The following RTL8B variants were observed in gnomAD, a reference collection of about 807,000 sequenced individuals.
The protein encoded by RTL8B is retrotransposon Gag-like protein 8B.
Under a neutral mutation model 4.4 loss-of-function variants are expected in RTL8B, and 5 were observed. That is an observed-to-expected ratio of 1.13 (90% CI 0.59 to 2.37). The LOEUF is 2.37. Among genes scored for constraint, RTL8B ranks in the 30% most tolerant of loss-of-function variants. The probability of loss-of-function intolerance (pLI) is 0.01; values close to 1 mark genes in which losing one functional copy is unlikely to be tolerated. For synonymous variants in RTL8B, 31 were observed against 44.2 expected (o/e 0.70, Z 1.19); for missense variants, 82 against 99.2 (o/e 0.83, Z 0.74).
chrX:135,022,496 C>A lies in RTL8B; in HGVS notation c.-37G>T, dbSNP rs2083271621. The A allele has an allele frequency of 1.7e-6, 2 of 1,190,059 alleles. No individual in the cohort carries two copies. Among genetic ancestry groups the A allele is most frequent in the African/African-American group, 1.8e-5 (1 of 57,107 alleles). Reference sequence around the variant, plus strand: ...GGCTCCGCTGAGTTTAGCTGAGCTGCGCTGGGCTTCGCCGGGGGCTGCACC... The same window carrying A: ...GGCTCCGCTGAGTTTAGCTGAGCTGAGCTGGGCTTCGCCGGGGGCTGCACC... On this transcript the variant is annotated 5_prime_UTR_variant, in exon 1 of 1. Transcript: ENST00000391440.
chrX:135,021,886 G>T lies in RTL8B; in HGVS notation c.*232C>A, dbSNP rs772385107. ...AGGGGCTGAGCTGGCACGAGAGGGCGGAGGCAGCCCGCTCCAGAGTGAGGC... is the reference window on the plus strand; with the variant it reads ...AGGGGCTGAGCTGGCACGAGAGGGCTGAGGCAGCCCGCTCCAGAGTGAGGC... On this transcript the variant is annotated 3_prime_UTR_variant, in exon 1 of 1. Coordinates refer to ENST00000391440, the MANE Select transcript of RTL8B (RefSeq NM_001078173.2). The T allele has an allele frequency of 6.8e-4, 784 of 1,152,777 alleles. No individual in the cohort carries two copies. Among genetic ancestry groups the T allele is most frequent in the Non-Finnish European group, 8.4e-4 (726 of 866,682 alleles).
chrX:135,021,845 T>G lies in RTL8B; in HGVS notation c.*273A>C. The G allele has an allele frequency of 8.8e-7, 1 of 1,141,456 alleles. No individual in the cohort carries two copies. The highest frequency in any genetic ancestry group is 1.9e-5 in the South Asian group (1 of 51,847). 94.1% of individuals were successfully genotyped at this position (1,141,456 alleles called of 1,213,427 possible). On this transcript the variant is annotated 3_prime_UTR_variant, in exon 1 of 1. Coordinates refer to ENST00000391440, the MANE Select transcript of RTL8B (RefSeq NM_001078173.2). ...TGTGCAACTGGAGCGCAGGACAGCG[T>G]CCAAATGTGCATGGGAGGGGCTGAG...
Position 135,021,437 on chromosome X carries a change from C to T in RTL8B, c.*681G>A. On this transcript the variant is annotated 3_prime_UTR_variant, in exon 1 of 1. Transcript: ENST00000391440. ...ATTCAGAAGAGAAATGGATTCTGGG[C>T]AAAACTAACTGGTCCACAAGAGAAA... 7.2e-6 allele frequency: 2 copies of T among 278,449 alleles called. No individual in the cohort carries two copies. The highest frequency in any genetic ancestry group is 1.4e-5 in the Non-Finnish European group (2 of 143,003). 22.9% of individuals were successfully genotyped at this position (278,449 alleles called of 1,213,427 possible). A position where few individuals can be genotyped will look rare whatever the true frequency, so the allele number is the denominator to read the frequency against.
rs1242129771 is a variant in RTL8B, at chrX:135,021,720, T to A, written c.*398A>T. The A allele has an allele frequency of 3.0e-6, 3 of 1,015,366 alleles. No homozygotes were observed. In the South Asian group the frequency reaches 5.9e-5, roughly 20 times the overall value. 83.7% of individuals were successfully genotyped at this position (1,015,366 alleles called of 1,213,427 possible). ...CGATGGCAGTGGCAGCGCAGGTCTG[T>A]GGGCAGCATGATGTAGTCGTCTGGA... On this transcript the variant is annotated 3_prime_UTR_variant, in exon 1 of 1. Transcript: ENST00000391440.
rs2083265780 is a variant in RTL8B, at chrX:135,021,294, A to G, written c.*824T>C. On this transcript the variant is annotated 3_prime_UTR_variant, in exon 1 of 1. Coordinates refer to ENST00000391440, the MANE Select transcript of RTL8B (RefSeq NM_001078173.2). ...TCATTCAGACTCTATTTCTTTCTCA[A>G]TAGTGTCTGACATTTATTGAAAATA... The G allele has an allele frequency of 4.0e-6, 1 of 247,031 alleles. No homozygotes were observed. Among genetic ancestry groups the G allele is most frequent in the Non-Finnish European group, 7.6e-6 (1 of 131,567 alleles). 20.4% of individuals were successfully genotyped at this position (247,031 alleles called of 1,213,427 possible).
In RTL8B at chrX:135,022,071, C is replaced by T; in HGVS notation, c.*47G>A. 8.3e-7 allele frequency: 1 copy of T among 1,210,688 alleles called. No homozygotes were observed. Among genetic ancestry groups the T allele is most frequent in the African/African-American group, 1.7e-5 (1 of 57,818 alleles). ...ACCCTGGCGGCGGCCAGTAACACAG[C>T]GGACCCTTCCCAGAGCACCGGTCCC... On this transcript the variant is annotated 3_prime_UTR_variant, in exon 1 of 1. Transcript: ENST00000391440.
rs755318319 is a variant in RTL8B at position 135,021,878 on chromosome X, G to C, written c.*240C>G. On this transcript the variant is annotated 3_prime_UTR_variant, in exon 1 of 1. Coordinates refer to ENST00000391440, the MANE Select transcript of RTL8B (RefSeq NM_001078173.2). ...TGCATGGGAGGGGCTGAGCTGGCAC[G>C]AGAGGGCGGAGGCAGCCCGCTCCAG... 5 of 1,153,547 alleles carry C rather than the reference G, an allele frequency of 4.3e-6. No homozygotes were observed. Among genetic ancestry groups the C allele is most frequent in the Non-Finnish European group, 3.5e-6 (3 of 866,341 alleles).
rs747178238 is a variant in RTL8B at position 135,022,023 on chromosome X, G to A, written c.*95C>T. The A allele has an allele frequency of 3.2e-5, 38 of 1,181,293 alleles. No homozygotes were observed. The highest frequency in any genetic ancestry group is 4.2e-5 in the Non-Finnish European group (37 of 881,059). ...GTGGCGGCTCGAGGGGGAGGGAGGC[G>A]CGGAGGGAGGGCGCCGGTGGCGACC... On this transcript the variant is annotated 3_prime_UTR_variant, in exon 1 of 1. Transcript: ENST00000391440.
At position 135,022,516 on chromosome X, in the gene RTL8B, T is replaced by C. The variant is rs1221550407; in HGVS notation, c.-57A>G. The C allele has an allele frequency of 8.5e-7, 1 of 1,170,743 alleles. No individual in the cohort carries two copies. The highest frequency in any genetic ancestry group is 1.1e-6 in the Non-Finnish European group (1 of 875,857). On this transcript the variant is annotated 5_prime_UTR_variant, in exon 1 of 1. Transcript: ENST00000391440. ...AGCTGCGCTGGGCTTCGCCGGGGGC[T>C]GCACCGAGGCGTAGCGGGAAGTGCA...
At position 135,021,939 on chromosome X, in the gene RTL8B, G is replaced by T. The variant is rs761496733; in HGVS notation, c.*179C>A. ...AGGGGCGGCAGCAGGAGCCTGGAGC[G>T]CTATTCCTGGAACAAAGGCAAGCAC... On this transcript the variant is annotated 3_prime_UTR_variant, in exon 1 of 1. Transcript: ENST00000391440. 6.1e-6 allele frequency: 7 copies of T among 1,152,569 alleles called. No homozygotes were observed. The African/African-American group carries it at 1.1e-4, about 18-fold the overall frequency. The allele number at this position is 1,152,569 out of a possible 1,213,427, so 95.0% of individuals were successfully genotyped here.
chrX:135,022,194 G>C lies in RTL8B; in HGVS notation c.266C>G (p.Pro89Arg). 1 of 1,211,946 alleles carries C rather than the reference G, an allele frequency of 8.3e-7. No homozygotes were observed. The highest frequency in any genetic ancestry group is 3.0e-5 in the East Asian group (1 of 33,831). ...GAAGCCCCGGTAATCACTGAGGAGG[G>C]GGCTCTCCTTCTTGATGTAGGGGAT... ...WVIPYIKKES[P>R]LLSDYRGFLA... is the part of the protein sequence containing the mutation. Residue 89 changes from proline (P) to arginine (R), a missense_variant, in exon 1 of 1, where the codon CCC (proline) becomes CGC (arginine). Pro to Arg is a moderately radical substitution (Grantham distance 103). Coordinates refer to ENST00000391440, the MANE Select transcript of RTL8B (RefSeq NM_001078173.2).
chrX:135,020,587 T>G lies in RTL8B; in HGVS notation c.*1531A>C, dbSNP rs2083263934. The G allele has an allele frequency of 8.9e-6, 1 of 112,011 alleles. No homozygotes were observed. Among genetic ancestry groups the G allele is most frequent in the Non-Finnish European group, 1.9e-5 (1 of 53,234 alleles). The allele number at this position is 112,011 out of a possible 1,213,427, so 9.2% of individuals were successfully genotyped here. On this transcript the variant is annotated 3_prime_UTR_variant, in exon 1 of 1. Transcript: ENST00000391440. ...CTACCTGGTAACTTGAGGCCAGAAC[T>G]GTTGTAAAGCAGGAGGCACAAAGCC...
In RTL8B at chrX:135,021,779, G is replaced by A. The variant is rs1366145549; in HGVS notation, c.*339C>T. On this transcript the variant is annotated 3_prime_UTR_variant, in exon 1 of 1. Coordinates refer to ENST00000391440, the MANE Select transcript of RTL8B (RefSeq NM_001078173.2). The stretch of plus-strand genomic sequence containing the variant: ...GAGGAGGAGGGGGGTTGGCAGCGGC[G>A]GCTGTCAGTGGTCTGTCAGTGTGTA... 2.8e-6 allele frequency: 3 copies of A among 1,069,966 alleles called. No homozygotes were observed. The highest frequency in any genetic ancestry group is 3.7e-6 in the Non-Finnish European group (3 of 812,088). The allele number at this position is 1,069,966 out of a possible 1,213,427, so 88.2% of individuals were successfully genotyped here. A position where few individuals can be genotyped will look rare whatever the true frequency, so the allele number is the denominator to read the frequency against.
In RTL8B at chrX:135,020,626, C is replaced by G. The variant is rs1251833071; in HGVS notation, c.*1492G>C. 1.8e-5 allele frequency: 2 copies of G among 111,828 alleles called. No homozygotes were observed. The highest frequency in any genetic ancestry group is 3.8e-5 in the Non-Finnish European group (2 of 53,196). 9.2% of individuals were successfully genotyped at this position (111,828 alleles called of 1,213,427 possible). On this transcript the variant is annotated 3_prime_UTR_variant, in exon 1 of 1. Transcript: ENST00000391440. ...AGGCACAAAGCCAATTAAAACATTT[C>G]CCTTATTGTGCATGGAAAATAACAA...
In RTL8B at chrX:135,021,783, G is replaced by C; in HGVS notation, c.*335C>G. On this transcript the variant is annotated 3_prime_UTR_variant, in exon 1 of 1. Transcript: ENST00000391440. ...AGGAGGGGGGTTGGCAGCGGCGGCT[G>C]TCAGTGGTCTGTCAGTGTGTAACAG... 1 of 1,080,903 alleles carries C rather than the reference G, an allele frequency of 9.3e-7. No individual in the cohort carries two copies. Among genetic ancestry groups the C allele is most frequent in the Non-Finnish European group, 1.2e-6 (1 of 818,191 alleles). The allele number at this position is 1,080,903 out of a possible 1,213,427, so 89.1% of individuals were successfully genotyped here. A position where few individuals can be genotyped will look rare whatever the true frequency, so the allele number is the denominator to read the frequency against.
chrX:135,022,527 G>T lies in RTL8B; in HGVS notation c.-68C>A, dbSNP rs2083271857. 1 of 1,165,710 alleles carries T rather than the reference G, an allele frequency of 8.6e-7. No individual in the cohort carries two copies. Among genetic ancestry groups the T allele is most frequent in the African/African-American group, 1.8e-5 (1 of 56,600 alleles). On this transcript the variant is annotated 5_prime_UTR_variant, in exon 1 of 1. Coordinates refer to ENST00000391440, the MANE Select transcript of RTL8B (RefSeq NM_001078173.2). ...GCTTCGCCGGGGGCTGCACCGAGGC[G>T]TAGCGGGAAGTGCATGTCGCGGGAG...
At position 135,022,542 on chromosome X, in the gene RTL8B, T is replaced by C. The variant is rs2083271917; in HGVS notation, c.-83A>G. The C allele has an allele frequency of 2.2e-5, 25 of 1,153,599 alleles. No homozygotes were observed. In the South Asian group the frequency reaches 4.8e-4, roughly 22 times the overall value. On this transcript the variant is annotated 5_prime_UTR_variant, in exon 1 of 1. An upstream start codon of the reference 5' UTR is lost. Transcript: ENST00000391440. Reference sequence around the variant, plus strand: ...GCACCGAGGCGTAGCGGGAAGTGCATGTCGCGGGAGGAGAAGCCGGGATGT... The same window carrying C: ...GCACCGAGGCGTAGCGGGAAGTGCACGTCGCGGGAGGAGAAGCCGGGATGT...
In RTL8B at chrX:135,020,744, C is replaced by A. The variant is rs1295905311; in HGVS notation, c.*1374G>T. ...TACCCAATTCTTCTGCAAAATAAAACCCCCTGGTCATCAACCAGGTTTGTA... is the reference window on the plus strand; with the variant it reads ...TACCCAATTCTTCTGCAAAATAAAAACCCCTGGTCATCAACCAGGTTTGTA... On this transcript the variant is annotated 3_prime_UTR_variant, in exon 1 of 1. Transcript: ENST00000391440. 1 of 111,998 alleles carries A rather than the reference C, an allele frequency of 8.9e-6. No homozygotes were observed. Among genetic ancestry groups the A allele is most frequent in the African/African-American group, 3.3e-5 (1 of 30,758 alleles). The allele number at this position is 111,998 out of a possible 1,213,427, so 9.2% of individuals were successfully genotyped here.
At position 135,021,751 on chromosome X, in the gene RTL8B, G is replaced by A; in HGVS notation, c.*367C>T. 9.6e-7 allele frequency: 1 copy of A among 1,044,383 alleles called. No homozygotes were observed. Among genetic ancestry groups the A allele is most frequent in the Non-Finnish European group, 1.3e-6 (1 of 795,066 alleles). 86.1% of individuals were successfully genotyped at this position (1,044,383 alleles called of 1,213,427 possible). On this transcript the variant is annotated 3_prime_UTR_variant, in exon 1 of 1. Coordinates refer to ENST00000391440, the MANE Select transcript of RTL8B (RefSeq NM_001078173.2). ...GCATGATGTAGTCGTCTGGAAGTCT[G>A]GTGAGGAGGAGGGGGGTTGGCAGCG...
Sources: gnomAD v4.1 joint callset for allele counts on GRCh38, gnomAD v4.1.1 for gene constraint, MANE v1.5 for transcripts, NCBI Gene and HGNC (gene_info 2026-07-23, HGNC 2026-07-21) for gene names.